The following TPR variants were observed in gnomAD, a reference collection of about 807,000 sequenced individuals.
The protein encoded by TPR is translocated promoter region, nuclear basket protein.
Under a neutral mutation model 316.1 loss-of-function variants are expected in TPR, and 51 were observed. The ratio of observed to expected loss-of-function variants is 0.16; its 90% CI spans 0.13 to 0.20. TPR has a LOEUF of 0.20. Among genes scored for constraint, TPR ranks in the 10% least tolerant of loss-of-function variants. TPR has a pLI of 1.00. For synonymous variants in TPR, 981 were observed against 914.7 expected (o/e 1.07, Z -1.31); for missense variants, 2,272 against 2,754.8 (o/e 0.82, Z 3.92).
rs372432617 is a variant in TPR, at chr1:186,357,607, A to G, written c.1514T>C (p.Met505Thr). Residue 505 changes from methionine to threonine, a missense_variant, in exon 14 of 51, where the codon ATG becomes ACG. Physicochemically the swap from Met to Thr is moderately conservative, Grantham distance 81 (BLOSUM62 -1). This residue lies in a region of TPR where 549 missense variants were observed against 598.6 expected (regional missense o/e 0.92). Coordinates refer to ENST00000367478, the MANE Select transcript of TPR (RefSeq NM_003292.3). Reference protein sequence around the residue: ...DLSQQIRVLLMELEEARGNHV... With the variant: ...DLSQQIRVLLTELEEARGNHV... ...GTTACCCCTTGCTTCTTCAAGTTCC[A>G]TCAAAAGCACTCTAATCTAAAAACA... The G allele has an allele frequency of 5.0e-6, 8 of 1,613,334 alleles. No individual in the cohort carries two copies. Among genetic ancestry groups the G allele is most frequent in the Non-Finnish European group, 6.8e-6 (8 of 1,179,898 alleles).
intron 49 of TPR, among the ~76,000 whole-genome samples, chr1:186,316,301 T>C (rs1367545402): frequency 6.6e-6 from 1 of 152,178 alleles, no homozygotes; most frequent in Non-Finnish European, 1.5e-5. Context: ...AGATTAGTTA[T>C]GAGTATCCAT....
intron 24 of TPR, 112 bp from the exon 25 acceptor site, chr1:186,344,690 C>G (rs1261109917): frequency 1.4e-6 from 1 of 725,424 alleles, no homozygotes; most frequent in African/African-American, 1.8e-5. Context: ...TAAAGACAAT[C>G]TAAATGTAGC....
chr1:186,370,986 C>T lies in TPR; in HGVS notation c.314G>A (p.Arg105His), dbSNP rs372715575. 183 of 1,612,428 alleles carry T rather than the reference C, an allele frequency of 1.1e-4. 3 individuals are homozygous for T. In the South Asian group the frequency reaches 1.6e-3, roughly 14 times the overall value. ...ATCTCTTACCTGAATGGCAATATTG[C>T]GATCCTGAGCAATTTCAAGTTCTTT... ...KNKELEIAQD[R>H]NIAIQSQFTR... is the part of the protein sequence containing the mutation. Residue 105 changes from arginine to histidine, a missense_variant, in exon 3 of 51, where the codon CGC becomes CAC. By Grantham distance (29) the Arg-to-His change is conservative. Around this residue, in one of 10 missense-constraint regions of TPR, gnomAD observed 549 missense variants for 598.6 expected, o/e 0.92. Transcript: ENST00000367478.
intron 31 of TPR, among the ~76,000 whole-genome samples, 163 bp downstream of exon 31, chr1:186,337,870 A>G (rs756034361): frequency 6.6e-6 from 1 of 152,098 alleles, no homozygotes; most frequent in Non-Finnish European, 1.5e-5. Context: ...TGAGTTTATA[A>G]TGCATTTTCA....
intron 10 of TPR, 75 bp downstream of exon 10, chr1:186,360,690 T>C (rs1029135738): frequency 1.3e-6 from 2 of 1,566,836 alleles, no homozygotes; most frequent in East Asian, 4.5e-5. Context: ...ATAAATACTA[T>C]TAGTGAAATT....
At position 186,333,102 on chromosome 1, in the gene TPR, C is replaced by T. The variant is rs762027383; in HGVS notation, c.5455+20G>A. 2 of 1,610,858 alleles carry T rather than the reference C, an allele frequency of 1.2e-6. No individual in the cohort carries two copies. Among genetic ancestry groups the T allele is most frequent in the Non-Finnish European group, 1.7e-6 (2 of 1,178,162 alleles). On this transcript the variant is annotated intron_variant, in intron 37 of 50. Transcript: ENST00000367478. Reference sequence around the variant, plus strand: ...TAAATGCATAGGTCTACTCTGACTTCATTTTAAAATTAATTTTACCTGTGC... The same window carrying T: ...TAAATGCATAGGTCTACTCTGACTTTATTTTAAAATTAATTTTACCTGTGC...
intron 1 of TPR, among the ~76,000 whole-genome samples, chr1:186,373,873 T>C (rs1264870740): frequency 2.6e-5 from 4 of 152,174 alleles, no homozygotes; most frequent in Non-Finnish European, 5.9e-5. Flanking sequence ...AGATATTACC[T>C]GAAAGCATAA....
Position 186,313,689 on chromosome 1 carries a change from T to C in TPR, c.*282A>G, listed in dbSNP as rs749613414. On this transcript the variant is annotated 3_prime_UTR_variant, in exon 51 of 51. Transcript: ENST00000367478. ...TTTTCTCTTCCATTTAGATCAATACTATAACATTGATGTGCCTAGTAGAAC... is the reference window on the plus strand; with the variant it reads ...TTTTCTCTTCCATTTAGATCAATACCATAACATTGATGTGCCTAGTAGAAC... 6.3e-7 allele frequency: 1 copy of C among 1,595,062 alleles called. No individual in the cohort carries two copies. The highest frequency in any genetic ancestry group is 8.6e-7 in the Non-Finnish European group (1 of 1,162,822).
In TPR at chr1:186,350,500, T is replaced by C. The variant is rs1571625147; in HGVS notation, c.2611-112A>G. 6.3e-6 allele frequency: 5 copies of C among 794,836 alleles called. No homozygotes were observed. In the East Asian group the frequency reaches 1.5e-4, roughly 24 times the overall value. The allele number at this position is 794,836 out of a possible 1,614,324, so 49.2% of individuals were successfully genotyped here. A position where few individuals can be genotyped will look rare whatever the true frequency, so the allele number is the denominator to read the frequency against. ...GGCCAAGAGAGTAACAGAAAACAGA[T>C]TTACCGTCACACCTGAAACAGCCAA... On this transcript the variant is annotated intron_variant, in intron 20 of 50. Transcript: ENST00000367478.
chr1:186,328,465 A>AT (rs1658063535), intron 39 of TPR, among the ~76,000 whole-genome samples: 1 of 152,176 alleles, frequency 6.6e-6, no homozygotes, highest in East Asian at 1.9e-4. Context: ...TATATTTTAT[A>AT]TTTGTATCAA....
In TPR at chr1:186,357,614, G is replaced by A. The variant is rs1160290684; in HGVS notation, c.1507C>T (p.Leu503Phe). The change falls in exon 14 of 51, where the codon CTT (leucine) becomes TTT (phenylalanine). Residue 503 changes from leucine to phenylalanine, a missense_variant. This residue lies in a region of TPR where 549 missense variants were observed against 598.6 expected (regional missense o/e 0.92). Coordinates refer to ENST00000367478, the MANE Select transcript of TPR (RefSeq NM_003292.3). ...CTTGCTTCTTCAAGTTCCATCAAAAGCACTCTAATCTAAAAACAAAGTTTT... is the reference window on the plus strand; with the variant it reads ...CTTGCTTCTTCAAGTTCCATCAAAAACACTCTAATCTAAAAACAAAGTTTT... Reference protein sequence around the residue: ...VKDLSQQIRVLLMELEEARGN... With the variant: ...VKDLSQQIRVFLMELEEARGN... 1 of 1,612,132 alleles carries A rather than the reference G, an allele frequency of 6.2e-7. No homozygotes were observed. The highest frequency in any genetic ancestry group is 8.5e-7 in the Non-Finnish European group (1 of 1,179,542).
At position 186,355,445 on chromosome 1, in the gene TPR, G is replaced by A; in HGVS notation, c.2136C>T (p.Thr712=). ...CAAAATCTAGCTGGGTAGAAATTTTGGTATTTTGTGATCGCAAATCTGTAA... is the reference window on the plus strand; with the variant it reads ...CAAAATCTAGCTGGGTAGAAATTTTAGTATTTTGTGATCGCAAATCTGTAA... ...EQVTDLRSQN[T]KISTQLDFAS... Residue 712 remains threonine (T), a synonymous_variant, in exon 17 of 51, where the codon ACC becomes ACT. Transcript: ENST00000367478. The A allele has an allele frequency of 6.2e-7, 1 of 1,611,436 alleles. No homozygotes were observed. Among genetic ancestry groups the A allele is most frequent in the South Asian group, 1.1e-5 (1 of 89,942 alleles).
chr1:186,340,478 C>A (rs1170691955), intron 29 of TPR, among the ~76,000 whole-genome samples: 3 of 151,928 alleles, frequency 2.0e-5, no homozygotes, highest in East Asian at 3.9e-4. Context: ...CTCACCCAGG[C>A]TAGCATGCAG....
chr1:186,368,322 A>AT (rs1407119430), intron 3 of TPR, among the ~76,000 whole-genome samples: 1 of 152,146 alleles, frequency 6.6e-6, no homozygotes, highest in Non-Finnish European at 1.5e-5. Flanking sequence ...CTTTTAATAT[A>AT]TTTTGTCAGC....
intron 4 of TPR, among the ~76,000 whole-genome samples, chr1:186,366,104 T>C (rs1187198715): frequency 1.3e-5 from 2 of 152,208 alleles, no homozygotes; most frequent in Non-Finnish European, 2.9e-5. Flanking sequence ...GAAGGAAGAT[T>C]GGTAATGTAT....
intron 50 of TPR, 198 bp from the exon 51 acceptor site, chr1:186,314,224 T>G: frequency 2.0e-6 from 1 of 512,448 alleles, no homozygotes; most frequent in Non-Finnish European, 3.4e-6. Flanking sequence ...AAAAGTTATA[T>G]TGGAAAACAT....
At position 186,355,478 on chromosome 1, in the gene TPR, T is replaced by C. The variant is rs889688007; in HGVS notation, c.2103A>G (p.Gln701=). The part of the protein sequence containing the change: ...KIQNEQLEKL[Q]EQVTDLRSQN... ...GTGATCGCAAATCTGTAACTTGTTC[T>C]TGAAGTTTCTCAAGCTGCTCATTTT... Residue 701 remains glutamine (Q), a synonymous_variant, in exon 17 of 51, where the codon CAA becomes CAG. Transcript: ENST00000367478. The C allele has an allele frequency of 1.9e-6, 3 of 1,612,954 alleles. No homozygotes were observed. Among genetic ancestry groups the C allele is most frequent in the African/African-American group, 1.3e-5 (1 of 74,930 alleles).
chr1:186,361,724 T>G lies in TPR; in HGVS notation c.871-15A>C, dbSNP rs1558033353. ...TCAGCGGCACTCTAAAAGTTAATCT[T>G]AAAAAGTTACCTAACAGTCAACAAT... On this transcript the variant is annotated splice_polypyrimidine_tract_variant and intron_variant, in intron 8 of 50. Coordinates refer to ENST00000367478, the MANE Select transcript of TPR (RefSeq NM_003292.3). 1.2e-6 allele frequency: 2 copies of G among 1,613,358 alleles called. No homozygotes were observed. The highest frequency in any genetic ancestry group is 3.3e-5 in the Admixed American group (2 of 59,964).
chr1:186,351,227 T>C, intron 20 of TPR, 103 bp downstream of exon 20: 1 of 1,352,898 alleles, frequency 7.4e-7, no homozygotes, highest in Non-Finnish European at 9.7e-7. Flanking sequence ...AGTAACAAAG[T>C]TTTTCAAAAT....
Sources: allele counts gnomAD v4.1 joint callset (sites outside exome capture counted in the v4.1 genomes callset), GRCh38; gene constraint gnomAD v4.1.1; regional missense constraint gnomAD v4.1.1; transcripts MANE v1.5; gene names NCBI Gene and HGNC (gene_info 2026-07-23, HGNC 2026-07-21).